Variants in UTRN observed in about 807,000 individuals in gnomAD.
The protein encoded by UTRN is dystrophin-related protein 1.
In UTRN, 283 loss-of-function variants were observed where a neutral mutation model predicts 463.9. The observed-to-expected ratio is 0.61, with a 90% CI of 0.55 to 0.67. The LOEUF is 0.67. UTRN is among the 30% of genes least tolerant of loss of function. The pLI is 0.00. For missense variants in UTRN, 3,922 were observed against 4,084.3 expected (o/e 0.96, Z 1.08); for synonymous variants, 1,442 against 1,431.5 (o/e 1.01, Z -0.17).
chr6:144,734,672 C>T (rs757105297), intron 54 of UTRN, among the ~76,000 whole-genome samples: 1 of 152,202 alleles, frequency 6.6e-6, no homozygotes, highest in Admixed American at 6.5e-5. Flanking sequence ...TTTATCACCA[C>T]GTCTACTATG....
intron 2 of UTRN, among the ~76,000 whole-genome samples, chr6:144,386,996 G>C (rs1781480482): frequency 6.6e-6 from 1 of 152,076 alleles, no homozygotes; most frequent in Non-Finnish European, 1.5e-5. Flanking sequence ...GCAAAGGACA[G>C]ATACTCCTCA....
At chr6:144,799,024 G>A (rs564024929) in intron 64 of UTRN, among the ~76,000 whole-genome samples, 2 of 152,376 alleles carry the variant, frequency 1.3e-5, no homozygotes, top group South Asian at 4.1e-4. Context: ...ACAGGCGTGA[G>A]CCGCCATACC....
Position 144,585,021 on chromosome 6 carries a change from T to C in UTRN, c.7479+7733T>C, listed in dbSNP as rs1320404718. Reference sequence around the variant, plus strand: ...TTTAAGAGCAGGGTCATTTTCCTGATCCGTTTGTGTGTGTACTTTCACAAA... The same window carrying C: ...TTTAAGAGCAGGGTCATTTTCCTGACCCGTTTGTGTGTGTACTTTCACAAA... On this transcript the variant is annotated intron_variant, in intron 51 of 74. Coordinates refer to ENST00000367545, the MANE Select transcript of UTRN (RefSeq NM_007124.3). Among the ~76,000 whole-genome samples the C allele has an allele frequency of 2.6e-5, 4 of 152,196 alleles. No homozygotes were observed. The East Asian group carries it at 7.7e-4, about 29-fold the overall frequency.
intron 34 of UTRN, among the ~76,000 whole-genome samples, chr6:144,502,323 A>G (rs1446347457): frequency 1.3e-5 from 2 of 151,578 alleles, no homozygotes; most frequent in Non-Finnish European, 2.9e-5. Context: ...GGTTTGTTAC[A>G]TAGGTATACA....
At chr6:144,620,311 CTCTG>C (rs1775221946) in intron 51 of UTRN, among the ~76,000 whole-genome samples, 2 of 152,156 alleles carry the variant, frequency 1.3e-5, no homozygotes, top group African/African-American at 4.8e-5. Flanking sequence ...GTTCCTTTAA[CTCTG>C]ATGCCTGGGT....
chr6:144,427,927 A>G (rs1203391847), intron 7 of UTRN, among the ~76,000 whole-genome samples: 3 of 152,194 alleles, frequency 2.0e-5, no homozygotes, highest in African/African-American at 7.2e-5. Flanking sequence ...AGAAATGTAC[A>G]CACACTGAAG....
At chr6:144,812,870 A>T (rs1778742547) in intron 65 of UTRN, among the ~76,000 whole-genome samples, 1 of 151,808 alleles carries the variant, frequency 6.6e-6, no homozygotes, top group East Asian at 1.9e-4. Context: ...CAAGTAAAAA[A>T]TTGATTAATT....
intron 53 of UTRN, chr6:144,708,053 T>A: frequency 6.2e-6 from 1 of 161,178 alleles, no homozygotes; most frequent in Non-Finnish European, 1.2e-5. Flanking sequence ...TTTTACAGTA[T>A]TTTTTTGAAA....
intron 44 of UTRN, among the ~76,000 whole-genome samples, 200 bp downstream of exon 44, chr6:144,537,917 G>A (rs2128605068): frequency 6.6e-6 from 1 of 152,300 alleles, no homozygotes; most frequent in Non-Finnish European, 1.5e-5. Flanking sequence ...CTTCACTTAT[G>A]TAAAAAGAAC....
intron 65 of UTRN, among the ~76,000 whole-genome samples, chr6:144,816,093 G>A (rs914440472): frequency 2.0e-5 from 3 of 152,132 alleles, no homozygotes; most frequent in Non-Finnish European, 1.5e-5. Context: ...AGATTTGTAG[G>A]AGGTTATCAA....
chr6:144,393,627 A>G (rs1482808994), intron 2 of UTRN, among the ~76,000 whole-genome samples: 1 of 152,174 alleles, frequency 6.6e-6, no homozygotes, highest in African/African-American at 2.4e-5. Context: ...CTGTGTCATG[A>G]CACGTCAGAG....
chr6:144,485,285 C>A, intron 27 of UTRN, 100 bp from the exon 28 acceptor site: 2 of 1,503,050 alleles, frequency 1.3e-6, no homozygotes, highest in Non-Finnish European at 1.8e-6. Flanking sequence ...GGTATACTCA[C>A]ATCCAAATGA....
chr6:144,582,695 A>T (rs12216212), intron 51 of UTRN, among the ~76,000 whole-genome samples: 3 of 152,342 alleles, frequency 2.0e-5, no homozygotes, highest in South Asian at 2.1e-4. Flanking sequence ...ATCCTAACCT[A>T]TTCCATTTCT....
At chr6:144,404,429 G>A (rs967870431) in intron 3 of UTRN, among the ~76,000 whole-genome samples, 2 of 152,206 alleles carry the variant, frequency 1.3e-5, no homozygotes, top group Admixed American at 6.5e-5. Context: ...TCATCTGCAT[G>A]TGACCATTTT....
chr6:144,675,774 G>A (rs1781525782), intron 51 of UTRN, among the ~76,000 whole-genome samples: 1 of 152,166 alleles, frequency 6.6e-6, no homozygotes, highest in Non-Finnish European at 1.5e-5. Flanking sequence ...GAAAGGGTCT[G>A]TGAATTCTTT....
intron 2 of UTRN, among the ~76,000 whole-genome samples, chr6:144,339,433 G>T (rs886483452): frequency 6.6e-6 from 1 of 152,128 alleles, no homozygotes; most frequent in African/African-American, 2.4e-5. Flanking sequence ...AAGACCTATA[G>T]ATTAGTTCAT....
intron 46 of UTRN, among the ~76,000 whole-genome samples, chr6:144,546,318 C>A (rs1798402802): frequency 6.6e-6 from 1 of 152,186 alleles, no homozygotes; most frequent in Non-Finnish European, 1.5e-5. Context: ...AGCACCTCAA[C>A]ACTTTGCTCT....
intron 51 of UTRN, among the ~76,000 whole-genome samples, chr6:144,609,136 A>C (rs1562643877): frequency 6.6e-6 from 1 of 152,206 alleles, no homozygotes; most frequent in Non-Finnish European, 1.5e-5. Context: ...CTATTATAAA[A>C]AGATACAGAG....
intron 53 of UTRN, among the ~76,000 whole-genome samples, chr6:144,720,710 T>G (rs2128708579): frequency 6.6e-6 from 1 of 152,354 alleles, no homozygotes; most frequent in African/African-American, 2.4e-5. Flanking sequence ...CTTTCCACCT[T>G]ATTACCTCTA....
Sources: allele counts gnomAD v4.1 joint callset (sites outside exome capture counted in the v4.1 genomes callset), GRCh38; gene constraint gnomAD v4.1.1; transcripts MANE v1.5; gene names NCBI Gene and HGNC (gene_info 2026-07-23, HGNC 2026-07-21).